Variants in SEMA3D observed in about 807,000 individuals in gnomAD.
SEMA3D encodes semaphorin-3D.
SEMA3D carries 84 observed loss-of-function variants against 100.1 expected under a neutral mutation model. The observed-to-expected ratio is 0.84, with a 90% CI of 0.70 to 1.01. The LOEUF (loss-of-function observed/expected upper bound fraction) is 1.01. Among genes scored for constraint, SEMA3D ranks in the 50% least tolerant of loss-of-function variants. SEMA3D has a pLI of 0.00. For missense variants in SEMA3D, 875 were observed against 934.1 expected, an observed-to-expected ratio of 0.94 and a Z score of 0.82; for synonymous variants, 312 against 320.7, an observed-to-expected ratio of 0.97 and a Z score of 0.29.
At chr7:85,060,265 T>G (rs1191732384) in intron 8 of SEMA3D, among the ~76,000 whole-genome samples, 1 of 152,206 alleles carries the variant, frequency 6.6e-6, no homozygotes, top group Non-Finnish European at 1.5e-5. Flanking sequence ...AGTGCTTTAT[T>G]CTGTGATTTA....
At chr7:85,025,665 C>T (rs981318176) in intron 12 of SEMA3D, among the ~76,000 whole-genome samples, 71 of 152,068 alleles carry the variant, frequency 4.7e-4, no homozygotes, top group African/African-American at 1.6e-3. Context: ...GAAGACATGG[C>T]AAAAGAAAGA....
chr7:85,086,702 AAGACAG>A (rs562076217), intron 4 of SEMA3D, among the ~76,000 whole-genome samples: 77 of 147,660 alleles, frequency 5.2e-4, no homozygotes, highest in Non-Finnish European at 8.6e-4. Flanking sequence ...AAGAGAGAGA[AAGACAG>A]AGACACACGC....
intron 1 of SEMA3D, chr7:85,167,300 G>A (rs1790933534): frequency 4.1e-6 from 4 of 984,862 alleles, no homozygotes; most frequent in Non-Finnish European, 4.8e-6. Flanking sequence ...AGAGTATCTG[G>A]AAATATGCAG....
At chr7:85,015,417 G>C (rs1790070995) in intron 15 of SEMA3D, among the ~76,000 whole-genome samples, 1 of 151,768 alleles carries the variant, frequency 6.6e-6, no homozygotes, top group Non-Finnish European at 1.5e-5. Context: ...TGAAGATTTT[G>C]ATGCTGAAAT....
intron 1 of SEMA3D, among the ~76,000 whole-genome samples, chr7:85,183,968 T>C (rs1297449210): frequency 6.6e-6 from 1 of 152,208 alleles, no homozygotes; most frequent in African/African-American, 2.4e-5. Context: ...GATTTCTGTT[T>C]GATAAATTCT....
In SEMA3D at chr7:85,145,768, A is replaced by G. The variant is rs773487610; in HGVS notation, c.-41+7840T>C. The stretch of plus-strand genomic sequence containing the variant: ...TGTCATCCCTCAAGATTCGTGGGAT[A>G]TTGATTCCAAGATCCTTCTTGGATA... On this transcript the variant is annotated intron_variant, in intron 2 of 18. Coordinates refer to ENST00000284136, the MANE Select transcript of SEMA3D (RefSeq NM_001384900.1). Among the ~76,000 whole-genome samples the G allele has an allele frequency of 9.2e-5, 14 of 152,286 alleles. No homozygotes were observed. The South Asian group carries it at 1.7e-3, about 18-fold the overall frequency.
chr7:85,243,978 T>C, the SEMA3D span, among the ~76,000 whole-genome samples: 1 of 152,218 alleles, frequency 6.6e-6, no homozygotes, highest in East Asian at 1.9e-4. Context: ...CAAGTTACAG[T>C]ATATATCTTG....
intron 3 of SEMA3D, among the ~76,000 whole-genome samples, chr7:85,105,644 T>C (rs994703244): frequency 6.6e-6 from 1 of 152,108 alleles, no homozygotes; most frequent in African/African-American, 2.4e-5. Flanking sequence ...ATCATTAAGC[T>C]ATCCACACTA....
chr7:85,159,546 C>T (rs757816252), intron 1 of SEMA3D, among the ~76,000 whole-genome samples: 5 of 152,158 alleles, frequency 3.3e-5, no homozygotes, highest in Non-Finnish European at 7.3e-5. Flanking sequence ...ATTTGGTAGG[C>T]AATGGGGAGC....
intron 2 of SEMA3D, among the ~76,000 whole-genome samples, chr7:85,143,704 A>G (rs866581613): frequency 8.6e-5 from 13 of 150,340 alleles, no homozygotes; most frequent in African/African-American, 2.7e-4. Flanking sequence ...CTCTCTAGTA[A>G]AAATATAATA....
intron 12 of SEMA3D, among the ~76,000 whole-genome samples, chr7:85,031,957 G>A (rs1230479934): frequency 2.6e-5 from 4 of 151,788 alleles, no homozygotes; most frequent in South Asian, 4.2e-4. Context: ...TGGGACATTC[G>A]GCAGTATATC....
chr7:85,128,722 A>C (rs377602977), intron 2 of SEMA3D, among the ~76,000 whole-genome samples: 1 of 151,680 alleles, frequency 6.6e-6, no homozygotes, highest in Non-Finnish European at 1.5e-5. Context: ...ATGGATTTGA[A>C]TTGTAAAAAA....
intron 3 of SEMA3D, 52 bp downstream of exon 3, chr7:85,121,689 A>C: frequency 1.9e-6 from 2 of 1,046,906 alleles, no homozygotes; most frequent in Non-Finnish European, 2.7e-6. Context: ...AGCAATCAAA[A>C]AAGACATTTC....
At chr7:85,178,398 T>C (rs1202784235) in intron 1 of SEMA3D, among the ~76,000 whole-genome samples, 2 of 152,168 alleles carry the variant, frequency 1.3e-5, no homozygotes, top group Non-Finnish European at 2.9e-5. Flanking sequence ...TTGACCAAAA[T>C]GCTTATAATG....
Position 85,042,298 on chromosome 7 carries a change from A to T in SEMA3D, c.862-13T>A, listed in dbSNP as rs915406729. ...CTCCTACATCATTCTGACATGAAAA[A>T]AAAAATAAAGATAAATATTTATCAA... is the stretch of plus-strand genomic sequence containing the variant. On this transcript the variant is annotated splice_polypyrimidine_tract_variant and intron_variant, in intron 9 of 18. Transcript: ENST00000284136. The T allele has an allele frequency of 3.9e-6, 6 of 1,551,680 alleles. No individual in the cohort carries two copies. The highest frequency in any genetic ancestry group is 5.3e-6 in the Non-Finnish European group (6 of 1,125,618).
chr7:85,225,048 TTTTATATATATA>T, the SEMA3D span, among the ~76,000 whole-genome samples: 1 of 92,802 alleles, frequency 1.1e-5, no homozygotes, highest in Non-Finnish European at 1.8e-5. Context: ...CCTGATTTTC[TTTTATATATATA>T]TATATATATA....
chr7:85,237,605 G>T, the SEMA3D span, among the ~76,000 whole-genome samples: 1 of 152,010 alleles, frequency 6.6e-6, no homozygotes, highest in African/African-American at 2.4e-5. Flanking sequence ...TCTCTTCATG[G>T]CTTGATAGCT....
At chr7:85,185,618 G>A (rs1336346997) in intron 1 of SEMA3D, among the ~76,000 whole-genome samples, 1 of 152,142 alleles carries the variant, frequency 6.6e-6, no homozygotes, top group Non-Finnish European at 1.5e-5. Context: ...AGCTGCTGGC[G>A]CGCGGCTCTC....
At chr7:85,054,508 G>A (rs1180574580) in intron 9 of SEMA3D, among the ~76,000 whole-genome samples, 1 of 152,066 alleles carries the variant, frequency 6.6e-6, no homozygotes, top group African/African-American at 2.4e-5. Flanking sequence ...GCTTTTTAGA[G>A]AATCTGTCCC....
Sources: gnomAD v4.1 joint callset for allele counts (sites outside exome capture counted in the v4.1 genomes callset) on GRCh38, gnomAD v4.1.1 for gene constraint, MANE v1.5 for transcripts, NCBI Gene and HGNC (gene_info 2026-07-23, HGNC 2026-07-21) for gene names.